PHF2: variants seen among roughly 807,000 people sequenced by gnomAD.
The protein encoded by PHF2 is lysine-specific demethylase PHF2.
In PHF2, 27 loss-of-function variants were observed where a neutral mutation model predicts 120.5. That is an observed-to-expected ratio of 0.22 (90% confidence interval 0.17 to 0.31). PHF2 has a LOEUF of 0.31. PHF2 is among the 10% of genes least tolerant of loss of function. The pLI, the probability that PHF2 is intolerant of heterozygous loss-of-function variation, is 1.00. For synonymous variants in PHF2, 568 were observed against 592.5 expected (o/e 0.96, Z 0.60); for missense variants, 1,024 against 1,434.8 (o/e 0.71, Z 4.63).
intron 1 of PHF2, among the ~76,000 whole-genome samples, chr9:93,613,156 T>C (rs1364335580): frequency 6.6e-6 from 1 of 152,268 alleles, no homozygotes; most frequent in Non-Finnish European, 1.5e-5. Flanking sequence ...CAGGTGGCTC[T>C]GCTCTGTATG....
intron 3 of PHF2, among the ~76,000 whole-genome samples, chr9:93,638,755 G>A (rs1418122462): frequency 1.3e-5 from 2 of 152,158 alleles, no homozygotes; most frequent in African/African-American, 4.8e-5. Context: ...GTCTCACTCT[G>A]TCACCCAGGC....
At chr9:93,654,319 T>C in intron 6 of PHF2, 94 bp from the exon 7 acceptor site, 1 of 1,194,536 alleles carries the variant, frequency 8.4e-7, no homozygotes, top group Non-Finnish European at 1.2e-6. Context: ...GTCGTGGACC[T>C]GGGCAGGGTA....
chr9:93,654,386 G>T (rs760739317), intron 6 of PHF2, 27 bp from the exon 7 acceptor site: 6 of 1,603,458 alleles, frequency 3.7e-6, no homozygotes, highest in Non-Finnish European at 4.3e-6. Context: ...CAGTATGGGC[G>T]GCTCTGCCAA....
chr9:93,610,470 A>G (rs945472031), intron 1 of PHF2, among the ~76,000 whole-genome samples: 10 of 152,128 alleles, frequency 6.6e-5, no homozygotes, highest in African/African-American at 2.4e-4. Context: ...TAGTGTCTCA[A>G]TCTCTCAGCT....
chr9:93,582,079 C>G (rs551981997), intron 1 of PHF2, among the ~76,000 whole-genome samples: 1 of 152,248 alleles, frequency 6.6e-6, no homozygotes, highest in Admixed American at 6.5e-5. Context: ...GTTCCCACGT[C>G]GACTGCGAGG....
chr9:93,636,348 A>G, intron 2 of PHF2, 63 bp from the exon 3 acceptor site: 1 of 1,304,602 alleles, frequency 7.7e-7, no homozygotes, highest in South Asian at 1.3e-5. Context: ...TTCTTAGGGG[A>G]AGTTGTGGAG....
At chr9:93,675,620 C>T (rs896318575) in intron 19 of PHF2, 60 bp from the exon 20 acceptor site, 1 of 1,369,550 alleles carries the variant, frequency 7.3e-7, no homozygotes, top group Non-Finnish European at 1.0e-6. Context: ...AGCCCCAAAC[C>T]AGGAGGGGTG....
chr9:93,604,177 A>G (rs1256213461), intron 1 of PHF2, among the ~76,000 whole-genome samples: 1 of 152,110 alleles, frequency 6.6e-6, no homozygotes. Context: ...GGTAGGGAAG[A>G]GGCCTGCAGG....
intron 4 of PHF2, 102 bp from the exon 5 acceptor site, chr9:93,648,969 T>C: frequency 7.5e-7 from 1 of 1,328,796 alleles, no homozygotes. Context: ...TCCTGCTGTG[T>C]GTGAGGGCAG....
chr9:93,674,121 C>A (rs987331585), intron 18 of PHF2, among the ~76,000 whole-genome samples: 1 of 152,152 alleles, frequency 6.6e-6, no homozygotes, highest in African/African-American at 2.4e-5. Context: ...AAGTGAACTC[C>A]TGTTTTCTGG....
intron 1 of PHF2, among the ~76,000 whole-genome samples, chr9:93,584,421 A>G (rs1862996023): frequency 6.6e-6 from 1 of 152,178 alleles, no homozygotes; most frequent in South Asian, 2.1e-4. Context: ...TTATTTTTGT[A>G]ATGATGGAAG....
In PHF2 at chr9:93,663,576, T is replaced by G. The variant is rs921011377; in HGVS notation, c.1878T>G (p.Pro626=). 1.1e-5 allele frequency: 17 copies of G among 1,613,546 alleles called. No individual in the cohort carries two copies. Among genetic ancestry groups the G allele is most frequent in the Non-Finnish European group, 1.4e-5 (16 of 1,179,726 alleles). Residue 626 remains proline (P), a synonymous_variant, in exon 14 of 22, where the codon CCT becomes CCG. Transcript: ENST00000359246. ...AGGAGCAGAAGCTAGAGAAGTCGCC[T>G]CTAGCTGGAAACAAAGACAATAAGT... ...MEEEQKLEKS[P]LAGNKDNKFS...
chr9:93,650,015 G>T (rs1037022725), intron 5 of PHF2, among the ~76,000 whole-genome samples: 1 of 144,432 alleles, frequency 6.9e-6, no homozygotes, highest in Non-Finnish European at 1.5e-5. Flanking sequence ...TCACACTCAC[G>T]GACACACTCG....
chr9:93,651,684 G>T (rs2117920234), intron 5 of PHF2, among the ~76,000 whole-genome samples: 1 of 152,312 alleles, frequency 6.6e-6, no homozygotes, highest in Non-Finnish European at 1.5e-5. Flanking sequence ...TGGTAATTCA[G>T]ATACATGTCA....
At chr9:93,612,575 C>T (rs1039577643) in intron 1 of PHF2, among the ~76,000 whole-genome samples, 2 of 152,190 alleles carry the variant, frequency 1.3e-5, no homozygotes, top group Non-Finnish European at 2.9e-5. Flanking sequence ...CAGGCAGATA[C>T]GTTTTCATTT....
chr9:93,661,217 T>G (rs1826558599), intron 12 of PHF2, among the ~76,000 whole-genome samples: 1 of 152,118 alleles, frequency 6.6e-6, no homozygotes, highest in Non-Finnish European at 1.5e-5. Context: ...TCAGGGACCA[T>G]GAACCCCTGA....
chr9:93,602,247 CTTTTTTTTTT>C (rs67001312), intron 1 of PHF2, among the ~76,000 whole-genome samples: 1 of 79,676 alleles, frequency 1.3e-5, no homozygotes, highest in Non-Finnish European at 2.2e-5. Flanking sequence ...CCTAGAGATT[CTTTTTTTTTT>C]TTTTTTTTTT....
rs183448716 is a variant in PHF2 at position 93,645,764 on chromosome 9, T to C, written c.435T>C (p.Tyr145=). Residue 145 remains tyrosine (Y), a synonymous_variant, in exon 4 of 22, where the codon TAT becomes TAC. Coordinates refer to ENST00000359246, the MANE Select transcript of PHF2 (RefSeq NM_005392.4). ...TGGCTGTCCCGGCCCCCACGTTCTA[T>C]GTCAGTGACGTCGAGAACTACGTGG... is the stretch of plus-strand genomic sequence containing the variant. ...LGLAVPAPTF[Y]VSDVENYVGP... The C allele has an allele frequency of 1.7e-4, 280 of 1,605,674 alleles. No individual in the cohort carries two copies. In the Middle Eastern group the frequency reaches 2.2e-3, roughly 13 times the overall value.
chr9:93,583,225 C>T (rs544953604), intron 1 of PHF2, among the ~76,000 whole-genome samples: 57 of 152,344 alleles, frequency 3.7e-4, no homozygotes, highest in African/African-American at 1.3e-3. Flanking sequence ...GGTTCATCCA[C>T]ATTGTATCAT....
Sources: allele counts gnomAD v4.1 joint callset (sites outside exome capture counted in the v4.1 genomes callset), GRCh38; gene constraint gnomAD v4.1.1; transcripts MANE v1.5; gene names NCBI Gene and HGNC (gene_info 2026-07-23, HGNC 2026-07-21).